Variants in CFAP44 observed in about 807,000 individuals in gnomAD.
The protein encoded by CFAP44 is cilia and flagella associated protein 44.
A neutral mutation model predicts 216.2 loss-of-function variants in CFAP44; 134 were observed. That is an observed-to-expected ratio of 0.62 (90% CI 0.54 to 0.72). The LOEUF (loss-of-function observed/expected upper bound fraction) is 0.72. CFAP44 is among the 30% of genes least tolerant of loss of function. The probability of loss-of-function intolerance (pLI) is 0.00; values close to 1 mark genes in which losing one functional copy is unlikely to be tolerated. For missense variants in CFAP44, 2,035 were observed against 2,182.1 expected, an observed-to-expected ratio of 0.93 and a Z score of 1.34; for synonymous variants, 700 against 727.6, an observed-to-expected ratio of 0.96 and a Z score of 0.61.
At chr3:113,407,482 T>G (rs537925630) in intron 7 of CFAP44, among the ~76,000 whole-genome samples, 1 of 152,226 alleles carries the variant, frequency 6.6e-6, no homozygotes, top group Non-Finnish European at 1.5e-5. Context: ...GAAAGTTCTA[T>G]TAGACAGTAT....
chr3:113,347,269 G>A (rs1419388351), intron 22 of CFAP44, among the ~76,000 whole-genome samples: 2 of 152,164 alleles, frequency 1.3e-5, no homozygotes, highest in Non-Finnish European at 2.9e-5. Context: ...CTTTTGGGCT[G>A]AGCCAACGGT....
chr3:113,328,462 C>T (rs894284171), intron 26 of CFAP44, among the ~76,000 whole-genome samples: 1 of 150,726 alleles, frequency 6.6e-6, no homozygotes, highest in Non-Finnish European at 1.5e-5. Context: ...GCTTTCCCCC[C>T]CAGTATCACA....
intron 28 of CFAP44, among the ~76,000 whole-genome samples, chr3:113,309,850 A>C (rs1270117270): frequency 6.6e-6 from 1 of 152,222 alleles, no homozygotes; most frequent in Non-Finnish European, 1.5e-5. Flanking sequence ...ATAAGTTGGC[A>C]GCCTAGAAAC....
At chr3:113,329,878 G>A (rs1469743744) in intron 26 of CFAP44, among the ~76,000 whole-genome samples, 1 of 152,096 alleles carries the variant, frequency 6.6e-6, no homozygotes, top group East Asian at 1.9e-4. Context: ...CCTTTACGAT[G>A]ACTTCAGTTA....
intron 3 of CFAP44, 73 bp downstream of exon 3, chr3:113,427,114 A>G (rs749380370): frequency 1.3e-5 from 20 of 1,485,822 alleles, no homozygotes; most frequent in Non-Finnish European, 1.8e-5. Flanking sequence ...CTATGGATTT[A>G]TAACTCTTCC....
intron 28 of CFAP44, among the ~76,000 whole-genome samples, chr3:113,322,321 C>T (rs1431535239): frequency 1.3e-5 from 2 of 152,164 alleles, no homozygotes; most frequent in African/African-American, 4.8e-5. Flanking sequence ...TAGCCATAGA[C>T]AACCTACAGA....
intron 15 of CFAP44, among the ~76,000 whole-genome samples, chr3:113,381,575 A>C (rs1933512075): frequency 6.6e-6 from 1 of 152,200 alleles, no homozygotes; most frequent in Non-Finnish European, 1.5e-5. Context: ...TTTCTGGGAA[A>C]TCTTACAACC....
chr3:113,418,057 A>AATTT (rs71299331), intron 5 of CFAP44, among the ~76,000 whole-genome samples: 37,432 of 148,762 alleles, frequency 0.25, 5,001 homozygotes, highest in African/African-American at 0.34. Context: ...ATTGAGACAC[A>AATTT]ATTTATTTAT....
chr3:113,316,573 A>C (rs938228881), intron 28 of CFAP44, among the ~76,000 whole-genome samples: 1 of 152,172 alleles, frequency 6.6e-6, no homozygotes. Flanking sequence ...ACAAGTTACC[A>C]ATATGAAGAA....
In CFAP44 at chr3:113,366,142, C is replaced by T. The variant is rs150147481; in HGVS notation, c.2612G>A (p.Arg871His). 2.5e-5 allele frequency: 41 copies of T among 1,613,798 alleles called. No individual in the cohort carries two copies. The highest frequency in any genetic ancestry group is 6.7e-5 in the African/African-American group (5 of 74,862). The change falls in exon 19 of 35, where the codon CGT becomes CAT. Residue 871 changes from arginine to histidine, a missense_variant. By Grantham distance (29) the Arg-to-His change is conservative. Transcript: ENST00000393845. ...ATCTGCTCCAGCAGTCACCAAGAAACGATCATCAAAGCTATTAGCAATACT... is the reference window on the plus strand; with the variant it reads ...ATCTGCTCCAGCAGTCACCAAGAAATGATCATCAAAGCTATTAGCAATACT... ...IKSIANSFDDRFLVTAGADGN... is the reference protein window; with the variant it reads ...IKSIANSFDDHFLVTAGADGN...
Position 113,437,853 on chromosome 3 carries a change from G to C in CFAP44, c.-6+3600C>G, listed in dbSNP as rs60358615. 4.3e-3 allele frequency among the ~76,000 whole-genome samples: 662 copies of C among 152,252 alleles called. 5 individuals carry two copies. Among genetic ancestry groups the C allele is most frequent in the African/African-American group, 0.015 (634 of 41,536 alleles). ...GGATTGGAAAGCTACATTGTAACCT[G>C]TGGAGACTTTGGAGCCACAGAGACT... On this transcript the variant is annotated intron_variant, in intron 1 of 34. Transcript: ENST00000393845.
At chr3:113,389,740 A>G (rs1374404027) in intron 15 of CFAP44, among the ~76,000 whole-genome samples, 1 of 152,170 alleles carries the variant, frequency 6.6e-6, no homozygotes, top group Non-Finnish European at 1.5e-5. Flanking sequence ...TATGCAAGTA[A>G]ATTTTAAAAC....
Position 113,427,349 on chromosome 3 carries a change from T to C in CFAP44, c.101-10A>G. 1 of 1,576,636 alleles carries C rather than the reference T, an allele frequency of 6.3e-7. No homozygotes were observed. Among genetic ancestry groups the C allele is most frequent in the Non-Finnish European group, 8.6e-7 (1 of 1,165,766 alleles). ...TCTTCTTGAACAGGAGCTATTAAAA[T>C]TTGTTTTAATAACTTCTAAATTTTG... On this transcript the variant is annotated splice_polypyrimidine_tract_variant and intron_variant, in intron 2 of 34. Transcript: ENST00000393845.
Position 113,401,589 on chromosome 3 carries a change from C to A in CFAP44, c.1321G>T (p.Ala441Ser), listed in dbSNP as rs1370016344. The change falls in exon 10 of 35, where the codon GCT becomes TCT. Residue 441 changes from alanine (A) to serine (S), a missense_variant. Physicochemically the swap from Ala to Ser is moderately conservative, Grantham distance 99 (BLOSUM62 1). Around this residue, in one of 3 missense-constraint regions of CFAP44, gnomAD observed 1,883 missense variants for 2,023.7 expected, o/e 0.93. Transcript: ENST00000393845. ...MNETGNNFWL[A>S]QDANGAIWKL... ...GAGACAAGAATGCAACACACCTGAG[C>A]CAACCAAAAGTTATTTCCAGTTTCA... is the stretch of plus-strand genomic sequence containing the variant. 6.2e-7 allele frequency: 1 copy of A among 1,612,972 alleles called. No individual in the cohort carries two copies. Among genetic ancestry groups the A allele is most frequent in the Admixed American group, 1.7e-5 (1 of 59,870 alleles).
chr3:113,423,564 C>T (rs1200574965), intron 4 of CFAP44, among the ~76,000 whole-genome samples: 1 of 152,166 alleles, frequency 6.6e-6, no homozygotes, highest in Non-Finnish European at 1.5e-5. Context: ...TCTGGCTTGC[C>T]TCTTCTTAAA....
chr3:113,434,158 G>A (rs1053652691), intron 1 of CFAP44, among the ~76,000 whole-genome samples: 14 of 152,070 alleles, frequency 9.2e-5, no homozygotes, highest in Non-Finnish European at 2.9e-5. Flanking sequence ...TAACTTTATG[G>A]AGCTTGTTTA....
At chr3:113,305,555 T>C (rs1949977568) in intron 30 of CFAP44, among the ~76,000 whole-genome samples, 2 of 152,218 alleles carry the variant, frequency 1.3e-5, no homozygotes. Context: ...AACTGCTAAC[T>C]ATAGTATTTC....
chr3:113,411,358 A>C lies in CFAP44; in HGVS notation c.674-2036T>G, dbSNP rs532312754. Among the ~76,000 whole-genome samples, 780 of 152,272 alleles carry C rather than the reference A, an allele frequency of 5.1e-3. 6 individuals carry two copies. The highest frequency in any genetic ancestry group is 0.016 in the African/African-American group (656 of 41,554). ...GGAAGGGATCCAGTTTCAGCTTTCT[A>C]CATATGGCTAGCCAGTTTTCCCAGC... On this transcript the variant is annotated intron_variant, in intron 6 of 34. Transcript: ENST00000393845.
chr3:113,409,415 G>A, intron 6 of CFAP44, 93 bp from the exon 7 acceptor site: 1 of 1,152,512 alleles, frequency 8.7e-7, no homozygotes, highest in Non-Finnish European at 1.2e-6. Flanking sequence ...TCAGCCCATG[G>A]TGATGTAAGA....
Sources: gnomAD v4.1 joint callset for allele counts (sites outside exome capture counted in the v4.1 genomes callset) on GRCh38, gnomAD v4.1.1 for gene constraint, gnomAD v4.1.1 regional missense constraint, MANE v1.5 for transcripts, NCBI Gene and HGNC (gene_info 2026-07-23, HGNC 2026-07-21) for gene names.